The following FGF12 variants were observed in gnomAD, a reference collection of about 807,000 sequenced individuals.
FGF12 encodes the protein fibroblast growth factor 12, also known as fibroblast growth factor 12B.
In FGF12, 14 loss-of-function variants were observed where a neutral mutation model predicts 23.6. The observed-to-expected ratio is 0.59, with a 90% CI of 0.39 to 0.93. The LOEUF (loss-of-function observed/expected upper bound fraction) is 0.93, where lower values mean the gene tolerates loss of function less well. Among genes scored for constraint, FGF12 ranks in the 40% least tolerant of loss-of-function variants. FGF12 has a pLI of 0.00. For synonymous variants in FGF12, 62 were observed against 77.3 expected (o/e 0.80, Z 1.04); for missense variants, 175 against 217.8 (o/e 0.80, Z 1.24).
intron 2 of FGF12, among the ~76,000 whole-genome samples, chr3:192,361,169 CAA>C (rs10651290): frequency 4.2e-3 from 411 of 98,740 alleles, no homozygotes; most frequent in African/African-American, 8.6e-3. Context: ...TTCTCCAGTA[CAA>C]AAAAAAAAAA....
chr3:192,173,357 T>C (rs771167557), intron 4 of FGF12, among the ~76,000 whole-genome samples: 1 of 150,824 alleles, frequency 6.6e-6, no homozygotes, highest in Non-Finnish European at 1.5e-5. Context: ...AATGAAACTA[T>C]TGCACATTCC....
rs1719323470 is a variant in FGF12, at chr3:192,373,321, T to C, written c.14-12783A>G. 2.0e-5 allele frequency among the ~76,000 whole-genome samples: 3 copies of C among 151,826 alleles called. No homozygotes were observed. In the South Asian group the frequency reaches 6.2e-4, roughly 32 times the overall value. On this transcript the variant is annotated intron_variant, in intron 2 of 5. Transcript: ENST00000445105. ...TTTTTCAGTGACCTAGTTTCTTCTC[T>C]CTGGGCTTCAGGTTTCATCTATAAA...
chr3:192,179,265 T>C (rs1014405161), intron 4 of FGF12, among the ~76,000 whole-genome samples: 1 of 152,196 alleles, frequency 6.6e-6, no homozygotes, highest in African/African-American at 2.4e-5. Context: ...CTACACACTT[T>C]TGAAATAATT....
chr3:192,190,468 CTTTTTTTTTTT>C (rs34108891), intron 4 of FGF12, among the ~76,000 whole-genome samples: 3 of 89,104 alleles, frequency 3.4e-5, no homozygotes, highest in Non-Finnish European at 4.1e-5. Context: ...GCCCAATACT[CTTTTTTTTTTT>C]TTTTTTTTTT....
At chr3:192,665,813 G>A (rs976941333) in intron 2 of FGF12, among the ~76,000 whole-genome samples, 2 of 152,050 alleles carry the variant, frequency 1.3e-5, no homozygotes, top group Non-Finnish European at 2.9e-5. Flanking sequence ...CCTTATCTAA[G>A]GTCTCACATG....
intron 2 of FGF12, among the ~76,000 whole-genome samples, chr3:192,557,575 C>T (rs929961773): frequency 1.3e-5 from 2 of 151,764 alleles, no homozygotes; most frequent in Admixed American, 6.6e-5. Flanking sequence ...ATGAGGACAC[C>T]ATTACCTTGA....
chr3:192,266,543 A>C (rs555431430), intron 4 of FGF12, among the ~76,000 whole-genome samples: 1 of 152,234 alleles, frequency 6.6e-6, no homozygotes, highest in South Asian at 2.1e-4. Flanking sequence ...GCTATATTTT[A>C]CCTATGAAGA....
chr3:192,578,427 A>G, intron 2 of FGF12, among the ~76,000 whole-genome samples: 1 of 152,242 alleles, frequency 6.6e-6, no homozygotes, highest in East Asian at 1.9e-4. Flanking sequence ...CAGAGTCTGC[A>G]TTCTTAACCC....
At chr3:192,476,952 C>A (rs1352416935) in intron 2 of FGF12, among the ~76,000 whole-genome samples, 5 of 152,078 alleles carry the variant, frequency 3.3e-5, no homozygotes, top group Non-Finnish European at 7.4e-5. Flanking sequence ...AAGGATATGG[C>A]ATTCTTAAGT....
chr3:192,514,837 A>C lies in FGF12; in HGVS notation c.14-154299T>G, dbSNP rs1724611401. 2.7e-5 allele frequency: 27 copies of C among 985,204 alleles called. No individual in the cohort carries two copies. The highest frequency in any genetic ancestry group is 3.1e-5 in the Non-Finnish European group (26 of 829,880). The allele number at this position is 985,204 out of a possible 1,614,324, so 61.0% of individuals were successfully genotyped here. ...CAACCAACAGGCGGCCTGTCTTCGG[A>C]AGCCGGGTCCCGAGTCCATCGCGCG... On this transcript the variant is annotated intron_variant, in intron 2 of 5. Transcript: ENST00000445105. This position sits in a 1 kb window ranked among gnomAD's most constrained non-coding sequence, Gnocchi z 4.9.
chr3:192,716,393 A>G (rs2108743411), intron 2 of FGF12, among the ~76,000 whole-genome samples: 1 of 150,424 alleles, frequency 6.6e-6, no homozygotes, highest in South Asian at 2.1e-4. Context: ...AGATAATGGG[A>G]AAAAAATAGT....
In FGF12 at chr3:192,514,347, A is replaced by C. The variant is rs760999119; in HGVS notation, c.14-153809T>G. 1.3e-5 allele frequency among the ~76,000 whole-genome samples: 2 copies of C among 152,244 alleles called. No homozygotes were observed. Among genetic ancestry groups the C allele is most frequent in the African/African-American group, 4.8e-5 (2 of 41,478 alleles). On this transcript the variant is annotated intron_variant, in intron 2 of 5. Transcript: ENST00000445105. This position sits in a 1 kb window ranked among gnomAD's most constrained non-coding sequence, Gnocchi z 4.9. ...GTCGCGCGCCGCCCTCGCAAATCGC[A>C]GAGAGGGCCGCGAGAAGGTGCGAAC... is the stretch of plus-strand genomic sequence containing the variant.
At chr3:192,361,837 T>C (rs1267499149) in intron 2 of FGF12, among the ~76,000 whole-genome samples, 1 of 152,198 alleles carries the variant, frequency 6.6e-6, no homozygotes, top group African/African-American at 2.4e-5. Context: ...AATGCCTCTA[T>C]CAACACATCT....
chr3:192,448,354 C>G (rs1023173102), intron 2 of FGF12, among the ~76,000 whole-genome samples: 2 of 152,150 alleles, frequency 1.3e-5, no homozygotes, highest in African/African-American at 4.8e-5. Context: ...GATGTTAGAG[C>G]TAGACAACCA....
intron 4 of FGF12, among the ~76,000 whole-genome samples, chr3:192,230,945 A>G (rs1235581329): frequency 6.6e-6 from 1 of 152,196 alleles, no homozygotes; most frequent in Non-Finnish European, 1.5e-5. Context: ...AAAATTAAAC[A>G]CTTTAAGCTA....
chr3:192,404,920 C>T (rs968191699), intron 2 of FGF12, among the ~76,000 whole-genome samples: 19 of 152,116 alleles, frequency 1.2e-4, no homozygotes, highest in African/African-American at 3.6e-4. Context: ...TATAAAATAA[C>T]GATCACAATG....
intron 2 of FGF12, 105 bp downstream of exon 2, chr3:192,727,076 C>T: frequency 7.2e-7 from 1 of 1,389,364 alleles, no homozygotes; most frequent in East Asian, 2.5e-5. Context: ...CCTCTATCGA[C>T]CTAGTATGAT....
intron 4 of FGF12, among the ~76,000 whole-genome samples, chr3:192,277,793 C>T (rs909355273): frequency 1.3e-5 from 2 of 152,276 alleles, no homozygotes; most frequent in East Asian, 3.9e-4. Context: ...GACAGAGTCT[C>T]GCTCTGTCGC....
At chr3:192,395,628 C>G (rs1291930119) in intron 2 of FGF12, among the ~76,000 whole-genome samples, 5 of 152,208 alleles carry the variant, frequency 3.3e-5, no homozygotes. Flanking sequence ...CCTCCAGGAA[C>G]TCACTCTCCA....
Sources: gnomAD v4.1 joint callset for allele counts (sites outside exome capture counted in the v4.1 genomes callset) on GRCh38, gnomAD v4.1.1 for gene constraint, Gnocchi (gnomAD v3.1) non-coding constraint, MANE v1.5 for transcripts, NCBI Gene and HGNC (gene_info 2026-07-23, HGNC 2026-07-21) for gene names.